EHMT1: variants seen among roughly 807,000 people sequenced by gnomAD.
EHMT1 encodes the protein histone-lysine N-methyltransferase EHMT1.
In EHMT1, 15 loss-of-function variants were observed where a neutral mutation model predicts 147.2. That is an observed-to-expected ratio of 0.10 (90% confidence interval 0.07 to 0.16). The LOEUF (loss-of-function observed/expected upper bound fraction) is 0.16. Among genes scored for constraint, EHMT1 ranks in the 10% least tolerant of loss-of-function variants. EHMT1 has a pLI of 1.00. For missense variants in EHMT1, 1,587 were observed against 1,772.4 expected, an observed-to-expected ratio of 0.90 and a Z score of 1.88; for synonymous variants, 795 against 709.6, an observed-to-expected ratio of 1.12 and a Z score of -1.91.
At chr9:137,670,614 T>C (rs2134265426) in intron 1 of EHMT1, among the ~76,000 whole-genome samples, 1 of 152,278 alleles carries the variant, frequency 6.6e-6, no homozygotes, top group Non-Finnish European at 1.5e-5. Flanking sequence ...GCCTCTCTCT[T>C]CTGACTGGTT....
At chr9:137,626,014 C>G (rs1409578055) in intron 1 of EHMT1, among the ~76,000 whole-genome samples, 1 of 150,092 alleles carries the variant, frequency 6.7e-6, no homozygotes, top group Non-Finnish European at 1.5e-5. Context: ...CACCACCAAG[C>G]CTGGCTAATT....
intron 1 of EHMT1, among the ~76,000 whole-genome samples, chr9:137,621,846 T>G (rs1056393789): frequency 6.6e-6 from 1 of 152,042 alleles, no homozygotes; most frequent in Non-Finnish European, 1.5e-5. Context: ...GCTTCTTTAT[T>G]TTTTCTTTTT....
At chr9:137,781,978 C>T (rs1951592781) in intron 14 of EHMT1, among the ~76,000 whole-genome samples, 1 of 152,190 alleles carries the variant, frequency 6.6e-6, no homozygotes, top group Non-Finnish European at 1.5e-5. Context: ...CCTCACTGGG[C>T]CTGGGGCGGC....
Position 137,782,973 on chromosome 9 carries a change from G to T in EHMT1, c.2382+576G>T, listed in dbSNP as rs937435627. 2.0e-5 allele frequency among the ~76,000 whole-genome samples: 3 copies of T among 152,156 alleles called. No individual in the cohort carries two copies. Among genetic ancestry groups the T allele is most frequent in the African/African-American group, 7.2e-5 (3 of 41,438 alleles). ...ACGCCCCTTCCCTGATCCCGGTGTT[G>T]GATCCCCTGTTTCTCAAGTGCCAGG... On this transcript the variant is annotated intron_variant, in intron 15 of 26. Transcript: ENST00000460843. The surrounding 1 kb of genome is among the most constrained non-coding windows in gnomAD (Gnocchi z 5.7).
intron 1 of EHMT1, among the ~76,000 whole-genome samples, chr9:137,664,448 CTG>C (rs1939418754): frequency 1.3e-5 from 2 of 151,970 alleles, no homozygotes. Context: ...TTAGTAGAGA[CTG>C]GGTTTCACCA....
Position 137,732,132 on chromosome 9 carries a change from G to C in EHMT1, c.823+3603G>C, listed in dbSNP as rs982155846. On this transcript the variant is annotated intron_variant, in intron 4 of 26. Coordinates refer to ENST00000460843, the MANE Select transcript of EHMT1 (RefSeq NM_024757.5). The surrounding 1 kb of genome is among the most constrained non-coding windows in gnomAD (Gnocchi z 4.6). ...TGGCCTGCAGCTCCCAGGCTGGCCT[G>C]GCTCCACTGCTGCTTGCCATCACAC... 2.6e-5 allele frequency among the ~76,000 whole-genome samples: 4 copies of C among 152,196 alleles called. No individual in the cohort carries two copies. Among genetic ancestry groups the C allele is most frequent in the African/African-American group, 7.2e-5 (3 of 41,438 alleles).
chr9:137,640,028 G>A (rs1380503552), intron 1 of EHMT1, among the ~76,000 whole-genome samples: 3 of 152,058 alleles, frequency 2.0e-5, no homozygotes, highest in South Asian at 2.1e-4. Flanking sequence ...TCTGCCTCCC[G>A]GGTTCGAGTG....
chr9:137,754,358 C>T, intron 8 of EHMT1, 67 bp downstream of exon 8: 2 of 1,603,638 alleles, frequency 1.2e-6, no homozygotes, highest in Non-Finnish European at 1.7e-6. Context: ...AGGAGGCCCA[C>T]CTGGGGTTGG....
intron 18 of EHMT1, among the ~76,000 whole-genome samples, chr9:137,804,931 C>T (rs528852756): frequency 1.3e-5 from 2 of 152,308 alleles, no homozygotes; most frequent in Admixed American, 6.5e-5. Context: ...CAGTCATTTG[C>T]ATGTCTGTCA....
At chr9:137,706,043 G>A (rs1046188255) in intron 1 of EHMT1, among the ~76,000 whole-genome samples, 2 of 146,188 alleles carry the variant, frequency 1.4e-5, no homozygotes, top group Non-Finnish European at 3.0e-5. Context: ...TGCCTTGTGC[G>A]TTGGGGGGTT....
In EHMT1 at chr9:137,818,040, C is replaced by G. The variant is rs376440911; in HGVS notation, c.3462-20C>G. 7 of 1,613,986 alleles carry G rather than the reference C, an allele frequency of 4.3e-6. No homozygotes were observed. Among genetic ancestry groups the G allele is most frequent in the Non-Finnish European group, 5.9e-6 (7 of 1,179,922 alleles). ...TGCTCGCTGCCTTCCAGGGCCTCAC[C>G]TGCACCGCACCCTCTGCAGGTATGT... On this transcript the variant is annotated intron_variant, in intron 24 of 26. Coordinates refer to ENST00000460843, the MANE Select transcript of EHMT1 (RefSeq NM_024757.5).
intron 16 of EHMT1, among the ~76,000 whole-genome samples, chr9:137,795,853 C>G (rs1377733476): frequency 6.6e-6 from 1 of 151,218 alleles, no homozygotes. Context: ...GAGAAAGCAC[C>G]AAGAAAATAA....
In EHMT1 at chr9:137,651,553, C is replaced by T. The variant is rs558435495; in HGVS notation, c.21+32504C>T. Among the ~76,000 whole-genome samples the T allele has an allele frequency of 6.6e-5, 10 of 152,168 alleles. No homozygotes were observed. In the South Asian group the frequency reaches 1.9e-3, roughly 28 times the overall value. On this transcript the variant is annotated intron_variant, in intron 1 of 26. Coordinates refer to ENST00000460843, the MANE Select transcript of EHMT1 (RefSeq NM_024757.5). ...AATCCCATCGCTGTGGGAGGGAGGC[C>T]GAGGCAGGCGGATCACTTGAGGTCA...
chr9:137,826,308 G>A (rs1208326067), intron 25 of EHMT1, among the ~76,000 whole-genome samples: 1 of 152,142 alleles, frequency 6.6e-6, no homozygotes, highest in Non-Finnish European at 1.5e-5. Context: ...TCATGTTTCT[G>A]GTTAGTTTTG....
intron 1 of EHMT1, among the ~76,000 whole-genome samples, chr9:137,673,993 A>T (rs550838363): frequency 2.0e-5 from 3 of 152,174 alleles, no homozygotes; most frequent in Non-Finnish European, 4.4e-5. Context: ...GTTGTCTTGG[A>T]ATAGAGCCCA....
intron 25 of EHMT1, among the ~76,000 whole-genome samples, chr9:137,825,411 C>T (rs1955743465): frequency 1.3e-5 from 2 of 152,190 alleles, no homozygotes; most frequent in African/African-American, 4.8e-5. Context: ...GAATCACATG[C>T]CATCTGGCCT....
At chr9:137,686,736 T>TTC (rs1477711526) in intron 1 of EHMT1, among the ~76,000 whole-genome samples, 1 of 147,092 alleles carries the variant, frequency 6.8e-6, no homozygotes, top group African/African-American at 2.6e-5. Flanking sequence ...CTTTCTTTTT[T>TTC]TTTTTTTTTT....
rs947256880 is a variant in EHMT1 at position 137,732,167 on chromosome 9, G to A, written c.823+3638G>A. ...CTGCTTGCCATCACACGGGGCAGCCGCCGACACCAGCGGAGGGCAGGAGGG... is the reference window on the plus strand; with the variant it reads ...CTGCTTGCCATCACACGGGGCAGCCACCGACACCAGCGGAGGGCAGGAGGG... On this transcript the variant is annotated intron_variant, in intron 4 of 26. Coordinates refer to ENST00000460843, the MANE Select transcript of EHMT1 (RefSeq NM_024757.5). The surrounding 1 kb of genome is among the most constrained non-coding windows in gnomAD (Gnocchi z 4.6). Among the ~76,000 whole-genome samples, 1 of 152,202 alleles carries A rather than the reference G, an allele frequency of 6.6e-6. No individual in the cohort carries two copies. The highest frequency in any genetic ancestry group is 2.4e-5 in the African/African-American group (1 of 41,450).
rs1210848220 is a variant in EHMT1 at position 137,787,933 on chromosome 9, G to A, written c.2383-2915G>A. On this transcript the variant is annotated intron_variant, in intron 15 of 26. Transcript: ENST00000460843. The surrounding 1 kb of genome is among the most constrained non-coding windows in gnomAD (Gnocchi z 4.2). ...ATTGGCAAGTAGGAGGTGGGCAGCT[G>A]CCCCCAGAGGGAGGCCCTGTGTCCC... 6.0e-6 allele frequency: 9 copies of A among 1,501,818 alleles called. No individual in the cohort carries two copies. The highest frequency in any genetic ancestry group is 2.3e-5 in the East Asian group (1 of 44,152). The allele number at this position is 1,501,818 out of a possible 1,614,324, so 93.0% of individuals were successfully genotyped here. A position where few individuals can be genotyped will look rare whatever the true frequency, so the allele number is the denominator to read the frequency against.
Sources: gnomAD v4.1 joint callset for allele counts (sites outside exome capture counted in the v4.1 genomes callset) on GRCh38, gnomAD v4.1.1 for gene constraint, Gnocchi (gnomAD v3.1) non-coding constraint, MANE v1.5 for transcripts, NCBI Gene and HGNC (gene_info 2026-07-23, HGNC 2026-07-21) for gene names.